RGS8: variants seen among roughly 807,000 people sequenced by gnomAD.
RGS8 encodes the protein regulator of G-protein signaling 8.
Under a neutral mutation model 21.7 loss-of-function variants are expected in RGS8, and 8 were observed. The ratio of observed to expected loss-of-function variants is 0.37; its 90% CI spans 0.22 to 0.66. The LOEUF (loss-of-function observed/expected upper bound fraction) is 0.66, where lower values mean the gene tolerates loss of function less well. Among genes scored for constraint, RGS8 ranks in the 30% least tolerant of loss-of-function variants. The pLI is 0.59. For missense variants in RGS8, 157 were observed against 217.9 expected (o/e 0.72, Z 1.76); for synonymous variants, 80 against 83.6 (o/e 0.96, Z 0.24).
chr1:182,742,564 C>G, the RGS8 span, among the ~76,000 whole-genome samples: 5 of 152,248 alleles, frequency 3.3e-5, no homozygotes, highest in African/African-American at 1.2e-4. Flanking sequence ...CAGCGAATCC[C>G]CGTCACCACC....
the RGS8 span, among the ~76,000 whole-genome samples, chr1:182,726,668 C>T: frequency 6.7e-6 from 1 of 148,770 alleles, no homozygotes; most frequent in Non-Finnish European, 1.5e-5. Flanking sequence ...GAGACTCTGT[C>T]TCAAAAAAAA....
chr1:182,721,098 T>C, the RGS8 span, among the ~76,000 whole-genome samples: 2 of 144,650 alleles, frequency 1.4e-5, no homozygotes, highest in African/African-American at 5.1e-5. Flanking sequence ...TATGTGTGTA[T>C]ATATATACAT....
At chr1:182,647,014 T>A in intron 6 of RGS8, 97 bp from the exon 8 acceptor site, 1 of 1,030,946 alleles carries the variant, frequency 9.7e-7, no homozygotes, top group Non-Finnish European at 1.4e-6. Flanking sequence ...TGACAGCATC[T>A]ACATATTTAA....
At chr1:182,648,059 T>G in intron 6 of RGS8, 78 bp downstream of exon 7, 1 of 1,344,480 alleles carries the variant, frequency 7.4e-7, no homozygotes, top group Non-Finnish European at 1.0e-6. Context: ...TCATCAAGCC[T>G]GGCTCAGATC....
chr1:182,746,291 A>G, the RGS8 span, among the ~76,000 whole-genome samples: 1 of 152,198 alleles, frequency 6.6e-6, no homozygotes, highest in South Asian at 2.1e-4. Context: ...TAAAAAAGAG[A>G]CCATATATGG....
At chr1:182,669,514 C>A (rs1444923308) in intron 3 of RGS8, 110 bp downstream of exon 4, 7 of 1,501,942 alleles carry the variant, frequency 4.7e-6, no homozygotes, top group Non-Finnish European at 6.5e-6. Flanking sequence ...TGAAAGTAGA[C>A]CACGCATGGG....
chr1:182,691,557 C>A, the RGS8 span, among the ~76,000 whole-genome samples: 518 of 131,996 alleles, frequency 3.9e-3, 6 homozygotes, highest in African/African-American at 0.014. Flanking sequence ...ACATGATCAT[C>A]TCAATAGATG....
upstream of RGS8, among the ~76,000 whole-genome samples, chr1:182,673,208 G>C (rs532014421): frequency 2.0e-5 from 3 of 152,250 alleles, no homozygotes; most frequent in Middle Eastern, 3.4e-3. Flanking sequence ...GAAAGTGATG[G>C]CTTTATAATA....
chr1:182,731,201 G>A, the RGS8 span, among the ~76,000 whole-genome samples: 1 of 152,308 alleles, frequency 6.6e-6, no homozygotes, highest in Non-Finnish European at 1.5e-5. Context: ...TGCAGTTGCT[G>A]GAGAATCTAG....
At chr1:182,731,989 C>T in the RGS8 span, among the ~76,000 whole-genome samples, 3 of 152,110 alleles carry the variant, frequency 2.0e-5, no homozygotes, top group Non-Finnish European at 4.4e-5. Flanking sequence ...GGGAAAGTTA[C>T]TGCAATGACC....
chr1:182,645,319 A>G (rs1662656488), downstream of RGS8: 2 of 152,202 alleles, frequency 1.3e-5, no homozygotes, highest in Non-Finnish European at 2.9e-5. Context: ...CCACTCTGTT[A>G]TCCTCTCCAC....
chr1:182,658,211 T>C (rs1485312832), intron 5 of RGS8, among the ~76,000 whole-genome samples: 1 of 152,136 alleles, frequency 6.6e-6, no homozygotes, highest in Non-Finnish European at 1.5e-5. Context: ...TTTCTCCCTC[T>C]AGTTATTTGA....
chr1:182,709,309 T>A, the RGS8 span, among the ~76,000 whole-genome samples: 1 of 152,144 alleles, frequency 6.6e-6, no homozygotes, highest in Non-Finnish European at 1.5e-5. Context: ...ACAGAAAAGA[T>A]TCAAGAATCT....
downstream of RGS8, chr1:182,645,282 T>C (rs749736388): frequency 8.5e-5 from 13 of 152,138 alleles, no homozygotes; most frequent in Admixed American, 4.6e-4. Flanking sequence ...CCAAATCCAC[T>C]GGTCGTGAAT....
upstream of RGS8, chr1:182,672,922 G>T: frequency 7.1e-7 from 1 of 1,407,434 alleles, no homozygotes; most frequent in Non-Finnish European, 1.0e-6. Context: ...AACCAGCAGT[G>T]TCAGCATCAC....
At chr1:182,705,270 C>T in the RGS8 span, among the ~76,000 whole-genome samples, 2 of 152,048 alleles carry the variant, frequency 1.3e-5, no homozygotes, top group Non-Finnish European at 2.9e-5. Flanking sequence ...CAAAGAGTAC[C>T]CATGCCTGAC....
the RGS8 span, among the ~76,000 whole-genome samples, chr1:182,750,808 TACTAGACTAGATACTATCTAGACTCTAGA>T: frequency 6.6e-6 from 1 of 151,862 alleles, no homozygotes; most frequent in Admixed American, 6.6e-5. Context: ...AGACTCTAGA[TACTAGACTAGATACTATCTAGACTCTAGA>T]TTCTAGAGGA....
chr1:182,721,914 T>C, the RGS8 span, among the ~76,000 whole-genome samples: 2 of 152,062 alleles, frequency 1.3e-5, no homozygotes, highest in Non-Finnish European at 2.9e-5. Flanking sequence ...GTATCATTAA[T>C]GTCTAGTCAA....
chr1:182,644,122 G>A (rs906715951), downstream of RGS8: 2 of 152,300 alleles, frequency 1.3e-5, no homozygotes, highest in Admixed American at 6.5e-5. Flanking sequence ...CAGGGATGAG[G>A]TATGCTTGGA....
Sources: allele counts gnomAD v4.1 joint callset (sites outside exome capture counted in the v4.1 genomes callset), GRCh38; gene constraint gnomAD v4.1.1; transcripts MANE v1.5; gene names NCBI Gene and HGNC (gene_info 2026-07-23, HGNC 2026-07-21).